The following ABCC10 variants were observed in gnomAD, a reference collection of about 807,000 sequenced individuals.
The protein encoded by ABCC10 is ATP binding cassette subfamily C member 10.
Under a neutral mutation model 143.2 loss-of-function variants are expected in ABCC10, and 110 were observed. The ratio of observed to expected loss-of-function variants is 0.77; its 90% CI spans 0.66 to 0.90. The LOEUF (loss-of-function observed/expected upper bound fraction) is 0.90, where lower values mean the gene tolerates loss of function less well. Ranked by LOEUF, ABCC10 falls within the 40% of genes least tolerant of loss-of-function variation. ABCC10 has a pLI of 0.00. For synonymous variants in ABCC10, 805 were observed against 846.7 expected, an observed-to-expected ratio of 0.95 and a Z score of 0.85; for missense variants, 1,700 against 1,900.5, an observed-to-expected ratio of 0.89 and a Z score of 1.96.
rs2127417268 is a variant in ABCC10 at position 43,450,052 on chromosome 6, C to T, written c.4440C>T (p.Ser1480=). Residue 1480 remains serine (S), a synonymous_variant, in exon 22 of 22, where the codon AGC becomes AGT. Transcript: ENST00000372530. The surrounding 1 kb of genome is among the most constrained non-coding windows in gnomAD (Gnocchi z 4.5). ...PHSLFQQLLQ[S]SQQGVPASLG... ...CCCTGTTCCAGCAGCTGCTGCAGAG[C>T]AGCCAGCAGGGAGTCCCTGCCTCAC... 6.2e-7 allele frequency: 1 copy of T among 1,610,818 alleles called. No homozygotes were observed. The highest frequency in any genetic ancestry group is 2.2e-5 in the East Asian group (1 of 44,802).
rs1581684097 is a variant in ABCC10 at position 43,427,633 on chromosome 6, A to C, written c.-136A>C. 2.9e-6 allele frequency: 1 copy of C among 349,972 alleles called. No individual in the cohort carries two copies. Among genetic ancestry groups the C allele is most frequent in the Non-Finnish European group, 5.4e-6 (1 of 185,818 alleles). 21.7% of individuals were successfully genotyped at this position (349,972 alleles called of 1,614,324 possible). A position where few individuals can be genotyped will look rare whatever the true frequency, so the allele number is the denominator to read the frequency against. On this transcript the variant is annotated 5_prime_UTR_variant, in exon 1 of 22. Coordinates refer to ENST00000372530, the MANE Select transcript of ABCC10 (RefSeq NM_001198934.2). ...GGGCCCAGCACCCCGGCCGGGCAGT[A>C]CTTTTTTTTTTTTTGCATACACCAG... is the stretch of plus-strand genomic sequence containing the variant.
At chr6:43,447,103 C>T in intron 16 of ABCC10, 145 bp from the exon 17 acceptor site, 1 of 1,141,192 alleles carries the variant, frequency 8.8e-7, no homozygotes, top group Non-Finnish European at 1.2e-6. Context: ...GCCTTGGCCT[C>T]CCAAAGTGCT....
At position 43,433,143 on chromosome 6, in the gene ABCC10, C is replaced by G. The variant is rs200950597; in HGVS notation, c.1163C>G (p.Ser388Cys). The G allele has an allele frequency of 1.9e-6, 3 of 1,614,148 alleles. No homozygotes were observed. Among genetic ancestry groups the G allele is most frequent in the East Asian group, 4.5e-5 (2 of 44,892 alleles). The change falls in exon 3 of 22, where the codon TCT (serine) becomes TGT (cysteine). Residue 388 changes from serine (S) to cysteine (C), a missense_variant. Ser to Cys is a moderately radical substitution (Grantham distance 112, BLOSUM62 -1). Coordinates refer to ENST00000372530, the MANE Select transcript of ABCC10 (RefSeq NM_001198934.2). ...GEALNLLGTDSERLLNFAGSF... is the reference protein window; with the variant it reads ...GEALNLLGTDCERLLNFAGSF... The stretch of plus-strand genomic sequence containing the variant: ...GCCCTGAACCTACTAGGCACTGACT[C>G]TGAACGGCTGCTTAACTTTGCTGGG...
At chr6:43,451,468 T>C (rs1013007727), downstream of ABCC10, among the ~76,000 whole-genome samples, 2 of 152,188 alleles carry the variant, frequency 1.3e-5, no homozygotes, top group Non-Finnish European at 2.9e-5. The surrounding 1 kb of genome is among the most constrained non-coding windows in gnomAD (Gnocchi z 4.4). Flanking sequence ...AAATAATCAA[T>C]GTCAAGCCAT....
At chr6:43,448,843 C>T (rs753347900) in intron 18 of ABCC10, 38 bp from the exon 19 acceptor site, 2 of 1,572,596 alleles carry the variant, frequency 1.3e-6, no homozygotes, top group Non-Finnish European at 1.7e-6. Context: ...GAAGTGGCTA[C>T]ATCTCCAACC....
chr6:43,448,974 CT>C lies in ABCC10; in HGVS notation c.4055del (p.Leu1352CysfsTer5). On this transcript the variant is annotated frameshift_variant, in exon 19 of 22. Transcript: ENST00000372530. LOFTEE classifies it high-confidence loss of function. ...CCCAGGGCCTACATAAGGACAGGGC[CT>C]TGTGGCAGGCCCTGAAGCAGTGCCA... ...DPQGLHKDRALWQALKQCHLS... is the reference protein window; with the variant it reads ...DPQGLHKDRAXWQALKQCHLS... 1 of 1,614,188 alleles carries C rather than the reference CT, an allele frequency of 6.2e-7. No individual in the cohort carries two copies. Among genetic ancestry groups the C allele is most frequent in the Non-Finnish European group, 8.5e-7 (1 of 1,180,014 alleles).
At chr6:43,436,589 G>A (rs1562179103) in intron 6 of ABCC10, among the ~76,000 whole-genome samples, 1 of 152,156 alleles carries the variant, frequency 6.6e-6, no homozygotes, top group South Asian at 2.1e-4. Flanking sequence ...ATCTGGGGGA[G>A]AGGCCCAGCA....
At chr6:43,440,195 G>A (rs890031869) in intron 8 of ABCC10, among the ~76,000 whole-genome samples, 2 of 151,826 alleles carry the variant, frequency 1.3e-5, no homozygotes, top group Non-Finnish European at 2.9e-5. Context: ...GGGCTCAAGT[G>A]ATCCGCCCGC....
intron 3 of ABCC10, 63 bp downstream of exon 3, chr6:43,433,423 C>T: frequency 6.6e-7 from 1 of 1,517,340 alleles, no homozygotes; most frequent in Non-Finnish European, 8.8e-7. Flanking sequence ...GTCCCCAGGT[C>T]TTCCCATGCA....
chr6:43,443,209 C>G lies in ABCC10; in HGVS notation c.2416+50C>G. ...GAGGGAGGTGTCTGCCCAGGTCTGGCAGGGGATTGTGAAGTACAGACTCTG... is the reference window on the plus strand; with the variant it reads ...GAGGGAGGTGTCTGCCCAGGTCTGGGAGGGGATTGTGAAGTACAGACTCTG... On this transcript the variant is annotated intron_variant, in intron 10 of 21. Transcript: ENST00000372530. The surrounding 1 kb of genome is among the most constrained non-coding windows in gnomAD (Gnocchi z 4.2). The G allele has an allele frequency of 6.6e-7, 1 of 1,517,704 alleles. No homozygotes were observed. Among genetic ancestry groups the G allele is most frequent in the South Asian group, 1.3e-5 (1 of 78,390 alleles). 94.0% of individuals were successfully genotyped at this position (1,517,704 alleles called of 1,614,324 possible). A position where few individuals can be genotyped will look rare whatever the true frequency, so the allele number is the denominator to read the frequency against.
chr6:43,443,847 T>G lies in ABCC10; in HGVS notation c.2417-86T>G. On this transcript the variant is annotated intron_variant, in intron 10 of 21. Coordinates refer to ENST00000372530, the MANE Select transcript of ABCC10 (RefSeq NM_001198934.2). The surrounding 1 kb of genome is among the most constrained non-coding windows in gnomAD (Gnocchi z 4.2). ...GGTTAGACGGGGAGGCCTGAGAGGA[T>G]GAGAGGTGGGATCTGCACACGCACT... is the stretch of plus-strand genomic sequence containing the variant. 19 of 1,354,954 alleles carry G rather than the reference T, an allele frequency of 1.4e-5. No individual in the cohort carries two copies. Among genetic ancestry groups the G allele is most frequent in the Non-Finnish European group, 1.9e-5 (18 of 945,258 alleles). 83.9% of individuals were successfully genotyped at this position (1,354,954 alleles called of 1,614,324 possible).
intron 2 of ABCC10, among the ~76,000 whole-genome samples, chr6:43,431,251 G>T (rs966296331): frequency 1.3e-5 from 2 of 152,134 alleles, no homozygotes; most frequent in Non-Finnish European, 2.9e-5. Context: ...ATGTAAGTCC[G>T]ATTTTTATTC....
intron 3 of ABCC10, 89 bp downstream of exon 3, chr6:43,433,449 T>G: frequency 1.4e-6 from 2 of 1,457,482 alleles, no homozygotes. Context: ...CCTGAGGGAG[T>G]GAGAGTGACC....
chr6:43,431,673 T>A (rs573951036), intron 2 of ABCC10: 55 of 488,956 alleles, frequency 1.1e-4, no homozygotes, highest in South Asian at 5.2e-4. Context: ...GGATTTTTTT[T>A]AAAATTTTAG....
intron 5 of ABCC10, 44 bp from the exon 6 acceptor site, chr6:43,436,094 T>C (rs143752249): frequency 1.3e-5 from 21 of 1,613,446 alleles, no homozygotes; most frequent in African/African-American, 4.0e-5. Flanking sequence ...CCCAAACAGA[T>C]TGTGGTAGAT....
At position 43,445,306 on chromosome 6, in the gene ABCC10, G is replaced by T. The variant is rs772126253; in HGVS notation, c.3022G>T (p.Val1008Phe). ...ATLHRRLLHR[V>F]LMAPVTFFNA... Reference sequence around the variant, plus strand: ...TCTGCATCGCCGCCTGCTGCATCGAGTCCTTATGGTGAGGGGCTGGGACCT... The same window carrying T: ...TCTGCATCGCCGCCTGCTGCATCGATTCCTTATGGTGAGGGGCTGGGACCT... The change falls in exon 14 of 22, where the codon GTC becomes TTC. Residue 1008 changes from valine (V) to phenylalanine (F), a missense_variant. Transcript: ENST00000372530. The T allele has an allele frequency of 1.5e-5, 24 of 1,613,380 alleles. No individual in the cohort carries two copies. In the South Asian group the frequency reaches 2.5e-4, roughly 17 times the overall value.
rs760648324 is a variant in ABCC10, at chr6:43,438,808, C to T, written c.2127+13C>T. ...TGATGACCTCAGTGTGAGTGCCTGG[C>T]CTTGAAACCTCTTAGCTGCCTGTTT... On this transcript the variant is annotated intron_variant, in intron 8 of 21. Transcript: ENST00000372530. The T allele has an allele frequency of 6.2e-7, 1 of 1,613,054 alleles. No homozygotes were observed. Among genetic ancestry groups the T allele is most frequent in the African/African-American group, 1.3e-5 (1 of 74,888 alleles).
chr6:43,444,275 C>A lies in ABCC10; in HGVS notation c.2611C>A (p.His871Asn). 1.9e-6 allele frequency: 3 copies of A among 1,614,032 alleles called. No homozygotes were observed. Among genetic ancestry groups the A allele is most frequent in the East Asian group, 4.5e-5 (2 of 44,900 alleles). The change falls in exon 12 of 22, where the codon CAC becomes AAC. Residue 871 changes from histidine to asparagine, a missense_variant. Coordinates refer to ENST00000372530, the MANE Select transcript of ABCC10 (RefSeq NM_001198934.2). ...ESKKEGAVALHVYQAYWKAVG... is the reference protein window; with the variant it reads ...ESKKEGAVALNVYQAYWKAVG... Reference sequence around the variant, plus strand: ...CAAGAAGGAGGGCGCCGTGGCCTTGCACGTGTACCAAGCTTACTGGAAGGC... The same window carrying A: ...CAAGAAGGAGGGCGCCGTGGCCTTGAACGTGTACCAAGCTTACTGGAAGGC...
intron 8 of ABCC10, 146 bp downstream of exon 8, chr6:43,438,941 C>T: frequency 1.0e-6 from 1 of 984,038 alleles, no homozygotes; most frequent in South Asian, 1.6e-5. Flanking sequence ...GTGGTCCTCC[C>T]AGAGTGTCCA....
Sources: gnomAD v4.1 joint callset for allele counts (sites outside exome capture counted in the v4.1 genomes callset) on GRCh38, gnomAD v4.1.1 for gene constraint, Gnocchi (gnomAD v3.1) non-coding constraint, MANE v1.5 for transcripts, NCBI Gene and HGNC (gene_info 2026-07-23, HGNC 2026-07-21) for gene names.